The following ANXA4 variants were observed in gnomAD, a reference collection of about 807,000 sequenced individuals.
ANXA4 encodes the protein 35-beta calcimedin.
A neutral mutation model predicts 49.8 loss-of-function variants in ANXA4; 39 were observed. The observed-to-expected ratio is 0.78, with a 90% CI of 0.61 to 1.02. ANXA4 has a LOEUF of 1.02. Among genes scored for constraint, ANXA4 ranks in the 50% least tolerant of loss-of-function variants. The pLI, the probability that ANXA4 is intolerant of heterozygous loss-of-function variation, is 0.00. For synonymous variants in ANXA4, 134 were observed against 152.5 expected (o/e 0.88, Z 0.89); for missense variants, 360 against 410.1 (o/e 0.88, Z 1.05).
intron 2 of ANXA4, among the ~76,000 whole-genome samples, chr2:69,716,421 G>A (rs1053373790): frequency 1.3e-5 from 2 of 152,310 alleles, no homozygotes; most frequent in African/African-American, 2.4e-5. Context: ...GAGGGTGAAC[G>A]TAACAGCAGC....
chr2:69,739,908 G>C (rs1670341081), upstream of ANXA4, among the ~76,000 whole-genome samples: 1 of 152,176 alleles, frequency 6.6e-6, no homozygotes, highest in Non-Finnish European at 1.5e-5. Context: ...GCCAGAGGGA[G>C]AAACTGAGCA....
chr2:69,751,351 T>A (rs558981633), intron 1 of ANXA4, among the ~76,000 whole-genome samples: 1 of 151,632 alleles, frequency 6.6e-6, no homozygotes, highest in Admixed American at 6.6e-5. Context: ...ACCAAAGATA[T>A]AAAACAATTG....
chr2:69,684,490 C>A (rs1677710221), intron 2 of ANXA4, among the ~76,000 whole-genome samples: 1 of 151,614 alleles, frequency 6.6e-6, no homozygotes, highest in South Asian at 2.1e-4. Context: ...TAAGATGAGC[C>A]TAGGCAACAT....
chr2:69,672,805 A>G (rs1224406683), intron 2 of ANXA4, among the ~76,000 whole-genome samples: 1 of 152,130 alleles, frequency 6.6e-6, no homozygotes, highest in Non-Finnish European at 1.5e-5. Context: ...AAAGACCTGA[A>G]ACAATTAAGG....
At chr2:69,695,329 G>A (rs1446984513) in intron 2 of ANXA4, among the ~76,000 whole-genome samples, 2 of 152,080 alleles carry the variant, frequency 1.3e-5, no homozygotes, top group African/African-American at 4.8e-5. Flanking sequence ...CTTTGTCCTG[G>A]GGTTCATACC....
At position 69,772,785 on chromosome 2, in the gene ANXA4, G is replaced by A. The variant is rs567859459; in HGVS notation, c.-46-8735G>A. On this transcript the variant is annotated intron_variant, in intron 1 of 12. Transcript: ENST00000394295. ...TGTAATCCCAGCACTTTGGGAGGCC[G>A]AGGCGGGCAGATCATGAGGTCAGGA... Among the ~76,000 whole-genome samples the A allele has an allele frequency of 1.1e-3, 166 of 152,218 alleles. 1 individual carries two copies. The highest frequency in any genetic ancestry group is 2.5e-3 in the South Asian group (12 of 4,820).
chr2:69,781,401 G>T (rs1672192995), intron 1 of ANXA4, 119 bp from the exon 2 acceptor site: 2 of 778,926 alleles, frequency 2.6e-6, no homozygotes, highest in South Asian at 3.3e-5. Context: ...CTGGCCTTTT[G>T]ATTAAGTTGG....
Position 69,787,053 on chromosome 2 carries a change from C to T in ANXA4, c.10-1001C>T, listed in dbSNP as rs1672447642. ...TTCTTCTTTATATCCACTTCCTCCC[C>T]TTTCTCTCCACCTGTGTGATTTTGA... On this transcript the variant is annotated intron_variant, in intron 2 of 12. Coordinates refer to ENST00000394295, the MANE Select transcript of ANXA4 (RefSeq NM_001153.5). Among the ~76,000 whole-genome samples the T allele has an allele frequency of 3.3e-5, 5 of 152,176 alleles. No individual in the cohort carries two copies. The South Asian group carries it at 1.0e-3, about 31-fold the overall frequency.
At chr2:69,772,438 G>A (rs1172073656) in intron 1 of ANXA4, among the ~76,000 whole-genome samples, 1 of 152,106 alleles carries the variant, frequency 6.6e-6, no homozygotes, top group South Asian at 2.1e-4. Context: ...GGTTATAGGT[G>A]GAACTTCCAG....
chr2:69,764,036 G>A (rs1573215179), intron 1 of ANXA4, among the ~76,000 whole-genome samples: 3 of 152,212 alleles, frequency 2.0e-5, no homozygotes, highest in Non-Finnish European at 2.9e-5. Context: ...AGATACCATC[G>A]TTACTGGCCA....
chr2:69,778,134 A>G (rs1437108473), intron 1 of ANXA4, among the ~76,000 whole-genome samples: 1 of 152,224 alleles, frequency 6.6e-6, no homozygotes, highest in Non-Finnish European at 1.5e-5. Context: ...TGTAGGTTGT[A>G]CAAAAGCAGG....
chr2:69,756,301 A>AG (rs1553439071), intron 1 of ANXA4, among the ~76,000 whole-genome samples: 1 of 152,218 alleles, frequency 6.6e-6, no homozygotes, highest in Non-Finnish European at 1.5e-5. Context: ...CTAAAAAAAA[A>AG]GGGTGGTGGC....
intron 2 of ANXA4, among the ~76,000 whole-genome samples, chr2:69,717,843 C>T (rs1669690679): frequency 6.6e-6 from 1 of 152,130 alleles, no homozygotes; most frequent in South Asian, 2.1e-4. Flanking sequence ...TGGCTTTCTA[C>T]CAGATGACAG....
chr2:69,824,492 G>A (rs111730010), intron 12 of ANXA4, among the ~76,000 whole-genome samples: 116 of 133,344 alleles, frequency 8.7e-4, no homozygotes, highest in Middle Eastern at 5.5e-3. Flanking sequence ...CACAGAACGA[G>A]ACTCCGTCTC....
At chr2:69,794,071 A>G (rs948016049) in intron 3 of ANXA4, among the ~76,000 whole-genome samples, 5 of 152,204 alleles carry the variant, frequency 3.3e-5, no homozygotes, top group African/African-American at 1.2e-4. Flanking sequence ...TGCTCCACTT[A>G]CCTGTTCACA....
chr2:69,745,193 G>C (rs1191370337), intron 1 of ANXA4, among the ~76,000 whole-genome samples: 1 of 152,192 alleles, frequency 6.6e-6, no homozygotes, highest in Non-Finnish European at 1.5e-5. Flanking sequence ...ATGTGGATAA[G>C]GGAATAAACT....
intron 6 of ANXA4, chr2:69,809,051 A>T (rs1303200523): frequency 2.0e-5 from 3 of 152,220 alleles, no homozygotes; most frequent in Admixed American, 6.5e-5. Flanking sequence ...TCCCATTTTT[A>T]AAAAATTAAC....
intron 1 of ANXA4, among the ~76,000 whole-genome samples, chr2:69,767,597 C>T (rs1010082181): frequency 4.6e-5 from 7 of 152,202 alleles, no homozygotes; most frequent in Admixed American, 2.0e-4. Context: ...CCAGAAAGGC[C>T]GTATGGCTGA....
Position 69,818,590 on chromosome 2 carries a change from T to A in ANXA4, c.629-9T>A. On this transcript the variant is annotated splice_polypyrimidine_tract_variant and intron_variant, in intron 9 of 12. Transcript: ENST00000394295. ...CTTCCCAATAATACTATTTTGTTAT[T>A]GTCTGCAGTGTTTGATGAATACAAA... is the stretch of plus-strand genomic sequence containing the variant. 6.4e-7 allele frequency: 1 copy of A among 1,562,882 alleles called. No individual in the cohort carries two copies. Among genetic ancestry groups the A allele is most frequent in the Non-Finnish European group, 8.7e-7 (1 of 1,148,422 alleles).
Sources: allele counts gnomAD v4.1 joint callset (sites outside exome capture counted in the v4.1 genomes callset), GRCh38; gene constraint gnomAD v4.1.1; transcripts MANE v1.5; gene names NCBI Gene and HGNC (gene_info 2026-07-23, HGNC 2026-07-21).